Variants in VWC2L observed in about 807,000 individuals in gnomAD.
The protein encoded by VWC2L is von Willebrand factor C domain-containing protein 2-like.
Under a neutral mutation model 21.6 loss-of-function variants are expected in VWC2L, and 10 were observed. The ratio of observed to expected loss-of-function variants is 0.46; its 90% CI spans 0.29 to 0.78. The LOEUF (loss-of-function observed/expected upper bound fraction) is 0.78, where lower values mean the gene tolerates loss of function less well. VWC2L is among the 30% of genes least tolerant of loss of function. The pLI is 0.10. For synonymous variants in VWC2L, 96 were observed against 94.3 expected (o/e 1.02, Z -0.10); for missense variants, 209 against 277.1 (o/e 0.75, Z 1.74).
chr2:214,436,225 C>T (rs1169792790), intron 2 of VWC2L: 2 of 164,094 alleles, frequency 1.2e-5, no homozygotes, highest in African/African-American at 4.8e-5. Context: ...CTCCTCCTTT[C>T]TCAAGAAGAA....
rs56041924 is a variant in VWC2L at position 214,470,916 on chromosome 2, C to CAAAAAAAAAAAAAAAAAAAAA, written c.520+34165_520+34185dup. Reference sequence around the variant, plus strand: ...TGGGCAACAGAGTGAAACTCCATCTCAAAAAAAAAAAAAAAAAAAAAAAAA... The same window carrying CAAAAAAAAAAAAAAAAAAAAA: ...TGGGCAACAGAGTGAAACTCCATCTCAAAAAAAAAAAAAAAAAAAAAAAAAAAAAAAAAAAAAAAAAAAAAA... On this transcript the variant is annotated intron_variant, in intron 3 of 3. Coordinates refer to ENST00000312504, the MANE Select transcript of VWC2L (RefSeq NM_001080500.4). Among the ~76,000 whole-genome samples the CAAAAAAAAAAAAAAAAAAAAA allele has an allele frequency of 3.5e-4, 18 of 50,798 alleles. 1 individual carries two copies. The highest frequency in any genetic ancestry group is 1.5e-3 in the African/African-American group (15 of 9,970). The allele number at this position is 50,798 out of a possible 152,430, so 33.3% of individuals were successfully genotyped here.
At chr2:214,510,589 G>T (rs770978697) in intron 3 of VWC2L, among the ~76,000 whole-genome samples, 2 of 152,128 alleles carry the variant, frequency 1.3e-5, no homozygotes, top group Admixed American at 6.6e-5. Flanking sequence ...GGAAGGACTT[G>T]TCAATCTAAT....
At chr2:214,552,757 A>G (rs1439333313) in intron 3 of VWC2L, among the ~76,000 whole-genome samples, 1 of 152,170 alleles carries the variant, frequency 6.6e-6, no homozygotes, top group Non-Finnish European at 1.5e-5. Context: ...TTCAATCACT[A>G]TATTTCTCTT....
intron 3 of VWC2L, among the ~76,000 whole-genome samples, chr2:214,477,149 A>T (rs7578323): frequency 0.87 from 132,049 of 152,082 alleles, 60,277 homozygotes; most frequent in Non-Finnish European, 1. Flanking sequence ...GGCATATATA[A>T]TTTAGGTGAA....
At chr2:214,482,427 T>G (rs1688615487) in intron 3 of VWC2L, among the ~76,000 whole-genome samples, 1 of 151,966 alleles carries the variant, frequency 6.6e-6, no homozygotes, top group Non-Finnish European at 1.5e-5. Context: ...AAATTTTTTC[T>G]GTCTCTCCAA....
intron 3 of VWC2L, among the ~76,000 whole-genome samples, chr2:214,547,363 G>C (rs1276680152): frequency 6.6e-6 from 1 of 152,088 alleles, no homozygotes; most frequent in African/African-American, 2.4e-5. Context: ...TAAACATCTA[G>C]ATCTAGATTC....
chr2:214,539,224 G>A (rs1689589089), intron 3 of VWC2L, among the ~76,000 whole-genome samples: 1 of 152,124 alleles, frequency 6.6e-6, no homozygotes, highest in Non-Finnish European at 1.5e-5. Context: ...AATCAACTCA[G>A]AGGAGCAACA....
intron 1 of VWC2L, 72 bp from the exon 2 acceptor site, chr2:214,414,042 G>C (rs1702316270): frequency 1.2e-6 from 1 of 838,152 alleles, no homozygotes; most frequent in African/African-American, 1.7e-5. Flanking sequence ...AACAGTTTAA[G>C]AGCGTGGGCT....
chr2:214,468,862 C>T (rs950186713), intron 3 of VWC2L, among the ~76,000 whole-genome samples: 1 of 152,158 alleles, frequency 6.6e-6, no homozygotes, highest in Non-Finnish European at 1.5e-5. Flanking sequence ...GGCTTACAAA[C>T]TCCATTTAAG....
In VWC2L at chr2:214,471,538, A is replaced by G. The variant is rs1207957887; in HGVS notation, c.520+34780A>G. ...CACAACAGCCCTTTTGCAGATGAGA[A>G]ATGGAGACTTAGAAACTTACCTATC... On this transcript the variant is annotated intron_variant, in intron 3 of 3. Transcript: ENST00000312504. Among the ~76,000 whole-genome samples, 82 of 152,216 alleles carry G rather than the reference A, an allele frequency of 5.4e-4. 3 individuals are homozygous for G.
At chr2:214,500,842 C>T (rs1230369022) in intron 3 of VWC2L, among the ~76,000 whole-genome samples, 1 of 152,136 alleles carries the variant, frequency 6.6e-6, no homozygotes, top group Non-Finnish European at 1.5e-5. Context: ...AGTTTAAAGG[C>T]CTATTGCTCT....
chr2:214,480,582 A>C (rs1688587989), intron 3 of VWC2L, among the ~76,000 whole-genome samples: 1 of 152,044 alleles, frequency 6.6e-6, no homozygotes. Context: ...CTAGTGTAGC[A>C]CTTCTTGGTG....
chr2:214,496,199 G>A (rs1253367485), intron 3 of VWC2L, among the ~76,000 whole-genome samples: 1 of 112,666 alleles, frequency 8.9e-6, no homozygotes, highest in African/African-American at 3.1e-5. Flanking sequence ...GAGCATTTTT[G>A]TATCTAATCA....
intron 3 of VWC2L, among the ~76,000 whole-genome samples, chr2:214,480,715 G>C (rs1048097196): frequency 6.6e-6 from 1 of 151,744 alleles, no homozygotes; most frequent in Non-Finnish European, 1.5e-5. Flanking sequence ...CCAAGCTCCA[G>C]GAAGGAGCTT....
intron 3 of VWC2L, among the ~76,000 whole-genome samples, chr2:214,565,259 G>A (rs1690044870): frequency 6.6e-6 from 1 of 152,110 alleles, no homozygotes; most frequent in African/African-American, 2.4e-5. Context: ...TAGATTGAAA[G>A]ATAGATATTT....
At chr2:214,528,223 C>T (rs994645347) in intron 3 of VWC2L, among the ~76,000 whole-genome samples, 1 of 152,162 alleles carries the variant, frequency 6.6e-6, no homozygotes, top group African/African-American at 2.4e-5. Context: ...CAAGAAAACA[C>T]AATAGCCTTA....
intron 3 of VWC2L, among the ~76,000 whole-genome samples, chr2:214,557,105 T>C (rs1476347974): frequency 6.6e-6 from 1 of 152,128 alleles, no homozygotes; most frequent in Admixed American, 6.6e-5. Context: ...ACTATTTGCC[T>C]CAGATGCTGT....
intron 3 of VWC2L, among the ~76,000 whole-genome samples, chr2:214,521,234 GATAAATAAATAAATAAATAAATAA>G (rs72394017): frequency 7.1e-5 from 10 of 140,526 alleles, no homozygotes; most frequent in African/African-American, 2.6e-4. Context: ...CCATCTCAAA[GATAAATAAATAAATAAATAAATAA>G]ATAAATAAAT....
In VWC2L at chr2:214,481,859, G is replaced by C. The variant is rs753933271; in HGVS notation, c.520+45101G>C. Among the ~76,000 whole-genome samples the C allele has an allele frequency of 4.6e-5, 7 of 152,214 alleles. No homozygotes were observed. In the South Asian group the frequency reaches 1.5e-3, roughly 32 times the overall value. On this transcript the variant is annotated intron_variant, in intron 3 of 3. Coordinates refer to ENST00000312504, the MANE Select transcript of VWC2L (RefSeq NM_001080500.4). Reference sequence around the variant, plus strand: ...TCTTGAAAATAAAAATAACAGAAAGGTTTGTGTTCATTTAAGATGCCACTT... The same window carrying C: ...TCTTGAAAATAAAAATAACAGAAAGCTTTGTGTTCATTTAAGATGCCACTT...
Sources: gnomAD v4.1 joint callset for allele counts (sites outside exome capture counted in the v4.1 genomes callset) on GRCh38, gnomAD v4.1.1 for gene constraint, MANE v1.5 for transcripts, NCBI Gene and HGNC (gene_info 2026-07-23, HGNC 2026-07-21) for gene names.